Variants in HORMAD2 observed in about 807,000 individuals in gnomAD.
The protein encoded by HORMAD2 is HORMA domain-containing protein 2.
A neutral mutation model predicts 38.8 loss-of-function variants in HORMAD2; 45 were observed. That is an observed-to-expected ratio of 1.16 (90% confidence interval 0.91 to 1.49). The LOEUF is 1.49. Among genes scored for constraint, HORMAD2 ranks in the 40% most tolerant of loss-of-function variants. The pLI, the probability that HORMAD2 is intolerant of heterozygous loss-of-function variation, is 0.00. For missense variants in HORMAD2, 338 were observed against 367.0 expected (o/e 0.92, Z 0.65); for synonymous variants, 126 against 122.8 (o/e 1.03, Z -0.17).
At chr22:30,201,001 C>T in the HORMAD2 span, among the ~76,000 whole-genome samples, 2 of 152,108 alleles carry the variant, frequency 1.3e-5, no homozygotes, top group Non-Finnish European at 2.9e-5. Flanking sequence ...CCGCCCACCT[C>T]GGCCTCCCAA....
intron 1 of HORMAD2, among the ~76,000 whole-genome samples, chr22:30,089,459 TCTCCTGCCTCAGC>T (rs2068643214): frequency 6.6e-6 from 1 of 151,916 alleles, no homozygotes; most frequent in Non-Finnish European, 1.5e-5. Context: ...TTCACGCCGT[TCTCCTGCCTCAGC>T]CTCCTGAGTA....
intron 10 of HORMAD2, among the ~76,000 whole-genome samples, chr22:30,155,800 G>A (rs1326508033): frequency 1.3e-5 from 2 of 152,152 alleles, no homozygotes; most frequent in South Asian, 4.1e-4. Flanking sequence ...CCATCAGTGA[G>A]AGAACTGGCT....
At chr22:30,111,163 A>G (rs977249317) in intron 5 of HORMAD2, among the ~76,000 whole-genome samples, 1 of 151,012 alleles carries the variant, frequency 6.6e-6, no homozygotes, top group African/African-American at 2.4e-5. Flanking sequence ...AAAAAAAAAA[A>G]AAAAAAGAAA....
intron 10 of HORMAD2, among the ~76,000 whole-genome samples, chr22:30,154,542 A>G (rs1016007899): frequency 1.3e-5 from 2 of 152,192 alleles, no homozygotes; most frequent in African/African-American, 4.8e-5. Context: ...AAGTTTTTCC[A>G]GTTGTCCCAG....
chr22:30,158,621 C>CCCTCCCTT (rs1325005274), intron 10 of HORMAD2, among the ~76,000 whole-genome samples: 15 of 124,508 alleles, frequency 1.2e-4, no homozygotes, highest in Admixed American at 1.7e-4. Flanking sequence ...GTCCCTCCCT[C>CCCTCCCTT]CCTCCCTTCC....
intron 1 of HORMAD2, among the ~76,000 whole-genome samples, 158 bp downstream of exon 1, chr22:30,080,649 T>C (rs577558377): frequency 6.6e-6 from 1 of 152,276 alleles, no homozygotes; most frequent in Admixed American, 6.5e-5. Flanking sequence ...CCTAAAGTAC[T>C]GTGAAGAGAA....
At chr22:30,142,742 G>A (rs1285538864) in intron 10 of HORMAD2, among the ~76,000 whole-genome samples, 1 of 152,058 alleles carries the variant, frequency 6.6e-6, no homozygotes, top group Non-Finnish European at 1.5e-5. Flanking sequence ...TTTTATATGT[G>A]TTTATTGTAC....
intron 10 of HORMAD2, among the ~76,000 whole-genome samples, chr22:30,162,182 G>A (rs1371252339): frequency 6.6e-6 from 1 of 152,126 alleles, no homozygotes; most frequent in Admixed American, 6.5e-5. Flanking sequence ...GCGTGGTGAT[G>A]TGTGCCTGTA....
chr22:30,194,827 A>G, the HORMAD2 span, among the ~76,000 whole-genome samples: 5 of 152,282 alleles, frequency 3.3e-5, no homozygotes, highest in Admixed American at 2.0e-4. Context: ...CAGGGTGGTA[A>G]AAGTCCTGAT....
intron 10 of HORMAD2, among the ~76,000 whole-genome samples, chr22:30,139,486 T>C (rs1439672618): frequency 6.6e-6 from 1 of 151,680 alleles, no homozygotes; most frequent in Admixed American, 6.6e-5. Context: ...TTCTATATCC[T>C]AATTTTTTTA....
chr22:30,196,642 C>T, the HORMAD2 span, among the ~76,000 whole-genome samples: 7 of 152,164 alleles, frequency 4.6e-5, no homozygotes, highest in Non-Finnish European at 1.0e-4. Flanking sequence ...AGGGAAGTGT[C>T]AAGTGGAGGA....
intron 8 of HORMAD2, among the ~76,000 whole-genome samples, chr22:30,121,251 C>A (rs1922406899): frequency 6.6e-6 from 1 of 152,170 alleles, no homozygotes; most frequent in African/African-American, 2.4e-5. Context: ...ACGCTTATCT[C>A]ACAAATGAGC....
intron 10 of HORMAD2, among the ~76,000 whole-genome samples, chr22:30,168,592 C>A (rs947151606): frequency 1.3e-5 from 2 of 152,170 alleles, no homozygotes; most frequent in African/African-American, 4.8e-5. Flanking sequence ...TGGTCACCGG[C>A]ATTACCAGAA....
At chr22:30,138,150 C>A (rs145746957) in intron 10 of HORMAD2, among the ~76,000 whole-genome samples, 395 of 152,134 alleles carry the variant, frequency 2.6e-3, no homozygotes, top group African/African-American at 9.2e-3. Flanking sequence ...ATTTGTATTT[C>A]TCTAATGACT....
At chr22:30,079,189 T>G (rs1437129335), upstream of HORMAD2, among the ~76,000 whole-genome samples, 4 of 152,160 alleles carry the variant, frequency 2.6e-5, no homozygotes, top group African/African-American at 9.7e-5. Context: ...TCTACTCTCT[T>G]GGGAAATCCC....
chr22:30,128,528 A>G (rs1280570757), intron 10 of HORMAD2, among the ~76,000 whole-genome samples: 5 of 152,218 alleles, frequency 3.3e-5, no homozygotes, highest in Non-Finnish European at 7.3e-5. Context: ...ATTATAAAGT[A>G]TTATAATAAA....
At chr22:30,111,850 G>C in intron 6 of HORMAD2, 34 bp downstream of exon 6, 1 of 1,529,940 alleles carries the variant, frequency 6.5e-7, no homozygotes, top group Admixed American at 2.0e-5. Context: ...CCAAGCCTCT[G>C]TCTCTATTTC....
chr22:30,124,706 C>G (rs1186154586), intron 10 of HORMAD2, among the ~76,000 whole-genome samples: 1 of 152,120 alleles, frequency 6.6e-6, no homozygotes, highest in Non-Finnish European at 1.5e-5. Flanking sequence ...GTAGAGTTTT[C>G]TACTCTTGAT....
chr22:30,139,580 G>A (rs73164728), intron 10 of HORMAD2, among the ~76,000 whole-genome samples: 9,331 of 151,852 alleles, frequency 0.061, 376 homozygotes, highest in Middle Eastern at 0.11. Context: ...TAATCTGGAT[G>A]CCTTTTATTT....
Sources: gnomAD v4.1 joint callset for allele counts (sites outside exome capture counted in the v4.1 genomes callset) on GRCh38, gnomAD v4.1.1 for gene constraint, MANE v1.5 for transcripts, NCBI Gene and HGNC (gene_info 2026-07-23, HGNC 2026-07-21) for gene names.